The following PKHD1 variants were observed in gnomAD, a reference collection of about 807,000 sequenced individuals.
The protein encoded by PKHD1 is fibrocystin.
A neutral mutation model predicts 412.0 loss-of-function variants in PKHD1; 291 were observed. The observed-to-expected ratio is 0.71, with a 90% CI of 0.64 to 0.78. PKHD1 has a LOEUF of 0.78. Ranked by LOEUF, PKHD1 falls within the 30% of genes least tolerant of loss-of-function variation. The pLI, the probability that PKHD1 is intolerant of heterozygous loss-of-function variation, is 0.00. For synonymous variants in PKHD1, 1,777 were observed against 1,821.5 expected, an observed-to-expected ratio of 0.98 and a Z score of 0.62; for missense variants, 4,825 against 4,950.7, an observed-to-expected ratio of 0.97 and a Z score of 0.76.
intron 60 of PKHD1, among the ~76,000 whole-genome samples, chr6:51,734,720 A>T (rs1197664676): frequency 6.6e-6 from 1 of 152,170 alleles, no homozygotes; most frequent in Non-Finnish European, 1.5e-5. Flanking sequence ...GGAAAAAAAA[A>T]AACTCTACAA....
At chr6:52,085,386 G>T (rs903632623) in intron 1 of PKHD1, among the ~76,000 whole-genome samples, 1 of 152,168 alleles carries the variant, frequency 6.6e-6, no homozygotes, top group African/African-American at 2.4e-5. Context: ...CCCTCGTGCT[G>T]CTCTCCAGTT....
At chr6:51,698,997 G>A (rs1371498199) in intron 60 of PKHD1, among the ~76,000 whole-genome samples, 1 of 152,124 alleles carries the variant, frequency 6.6e-6, no homozygotes, top group African/African-American at 2.4e-5. Context: ...ATGGTCTCCA[G>A]TTATGAAACA....
intron 60 of PKHD1, among the ~76,000 whole-genome samples, chr6:51,701,247 C>T (rs1023567270): frequency 2.0e-5 from 3 of 152,078 alleles, no homozygotes; most frequent in African/African-American, 7.2e-5. Context: ...GTGAGTATCA[C>T]TGGTAATGCC....
At chr6:51,854,590 G>A (rs561511719) in intron 49 of PKHD1, among the ~76,000 whole-genome samples, 1 of 152,282 alleles carries the variant, frequency 6.6e-6, no homozygotes, top group South Asian at 2.1e-4. Flanking sequence ...CTCAGACCCA[G>A]GGAGATATGA....
At position 51,791,331 on chromosome 6, in the gene PKHD1, C is replaced by T. The variant is rs147222255; in HGVS notation, c.8345G>A (p.Gly2782Glu). The change falls in exon 53 of 67, where the codon GGG becomes GAG. Residue 2782 changes from glycine to glutamate, a missense_variant. Coordinates refer to ENST00000371117, the MANE Select transcript of PKHD1 (RefSeq NM_138694.4). ...GTCTAAGGTCCCCATCACATACAGC[C>T]CTTTGAAGAATGGAAGATCTGTATC... ...LVDTDLPFFK[G>E]LYVMGTLDFP... 13 of 1,613,138 alleles carry T rather than the reference C, an allele frequency of 8.1e-6. No homozygotes were observed. The highest frequency in any genetic ancestry group is 1.6e-4 in the Middle Eastern group (1 of 6,080).
rs982156750 is a variant in PKHD1, at chr6:51,736,822, A to G, written c.10156+7563T>C. On this transcript the variant is annotated intron_variant, in intron 60 of 66. Transcript: ENST00000371117. ...CATCTTGCTGTCATTCTCAGGATAA[A>G]TGGGAAAAAAGAGAAGCCTAGAAAC... is the stretch of plus-strand genomic sequence containing the variant. Among the ~76,000 whole-genome samples the G allele has an allele frequency of 1.3e-4, 20 of 152,094 alleles. 1 individual carries two copies.
chr6:51,648,103 A>G lies in PKHD1; in HGVS notation c.11326T>C (p.Ser3776Pro). 6.2e-7 allele frequency: 1 copy of G among 1,600,858 alleles called. No individual in the cohort carries two copies. The highest frequency in any genetic ancestry group is 1.1e-5 in the South Asian group (1 of 90,834). Residue 3776 changes from serine to proline, a missense_variant, in exon 63 of 67, where the codon TCC (serine) becomes CCC (proline). Coordinates refer to ENST00000371117, the MANE Select transcript of PKHD1 (RefSeq NM_138694.4). ...CATGGCTCTGAAGGAGGTCCCAGGG[A>G]CTCTACTCTTCGATTCTAGAAATGG... ...FLDEQNRRVE[S>P]LGPPSEPWTI...
chr6:51,781,677 A>T (rs1244870039), intron 53 of PKHD1, among the ~76,000 whole-genome samples: 2 of 152,086 alleles, frequency 1.3e-5, no homozygotes, highest in South Asian at 2.1e-4. Flanking sequence ...ACATGTTTTT[A>T]AAAAATGTTG....
At chr6:51,766,631 T>C (rs1271581204) in intron 55 of PKHD1, among the ~76,000 whole-genome samples, 1 of 152,062 alleles carries the variant, frequency 6.6e-6, no homozygotes, top group African/African-American at 2.4e-5. Context: ...TTATTTTCAT[T>C]CTTGACATAT....
intron 52 of PKHD1, among the ~76,000 whole-genome samples, chr6:51,819,648 C>T (rs1766048577): frequency 6.6e-6 from 1 of 152,168 alleles, no homozygotes; most frequent in Non-Finnish European, 1.5e-5. Context: ...CTATTTTGCT[C>T]ATCATTTTAT....
chr6:51,851,865 C>T (rs547745946), intron 49 of PKHD1, among the ~76,000 whole-genome samples: 3 of 152,148 alleles, frequency 2.0e-5, no homozygotes, highest in South Asian at 2.1e-4. Flanking sequence ...CTCCTGGATT[C>T]GTTGATTTTT....
intron 35 of PKHD1, among the ~76,000 whole-genome samples, chr6:51,997,726 T>G (rs1440240962): frequency 6.6e-6 from 1 of 152,194 alleles, no homozygotes; most frequent in Non-Finnish European, 1.5e-5. Flanking sequence ...CAGAGGATCT[T>G]CAGGGCATCA....
At chr6:52,066,390 A>G (rs915723170) in intron 11 of PKHD1, among the ~76,000 whole-genome samples, 1 of 152,198 alleles carries the variant, frequency 6.6e-6, no homozygotes, top group Non-Finnish European at 1.5e-5. Context: ...GACAATATTG[A>G]CAAGTCAGGG....
At position 51,874,731 on chromosome 6, in the gene PKHD1, A is replaced by C. The variant is rs1485794988; in HGVS notation, c.7351-4092T>G. Reference sequence around the variant, plus strand: ...ATCACGAGGTCAGGAGATTGAGACCATCCTGGCTAACATGTTGAAACTCCG... The same window carrying C: ...ATCACGAGGTCAGGAGATTGAGACCCTCCTGGCTAACATGTTGAAACTCCG... On this transcript the variant is annotated intron_variant, in intron 46 of 66. Coordinates refer to ENST00000371117, the MANE Select transcript of PKHD1 (RefSeq NM_138694.4). Among the ~76,000 whole-genome samples the C allele has an allele frequency of 6.0e-5, 9 of 149,882 alleles. No individual in the cohort carries two copies. In the Admixed American group the frequency reaches 6.0e-4, roughly 10 times the overall value.
At chr6:52,010,563 A>G (rs2128117689) in intron 34 of PKHD1, 104 bp from the exon 35 acceptor site, 1 of 979,886 alleles carries the variant, frequency 1.0e-6, no homozygotes, top group Non-Finnish European at 1.6e-6. Flanking sequence ...TGGCAACTAC[A>G]GGCCACCATT....
intron 37 of PKHD1, among the ~76,000 whole-genome samples, chr6:51,918,664 T>C (rs986807357): frequency 2.6e-5 from 4 of 152,214 alleles, no homozygotes; most frequent in African/African-American, 9.6e-5. Flanking sequence ...TACGTGTGCA[T>C]GTGTCTTTAT....
intron 53 of PKHD1, among the ~76,000 whole-genome samples, chr6:51,784,943 C>T (rs1007486921): frequency 5.3e-5 from 8 of 152,306 alleles, no homozygotes; most frequent in African/African-American, 1.7e-4. Context: ...CTGGACCTCT[C>T]ATTAATTACT....
At chr6:51,663,942 T>C (rs1562052033) in intron 60 of PKHD1, among the ~76,000 whole-genome samples, 2 of 152,166 alleles carry the variant, frequency 1.3e-5, no homozygotes, top group Non-Finnish European at 2.9e-5. Flanking sequence ...AATAAAGCAT[T>C]TTGGGAACAA....
intron 60 of PKHD1, among the ~76,000 whole-genome samples, chr6:51,704,239 C>G (rs1353098431): frequency 6.6e-6 from 1 of 151,962 alleles, no homozygotes; most frequent in Admixed American, 6.6e-5. Flanking sequence ...CCCAGAGGTA[C>G]AGAGGCCTCA....
Sources: allele counts gnomAD v4.1 joint callset (sites outside exome capture counted in the v4.1 genomes callset), GRCh38; gene constraint gnomAD v4.1.1; transcripts MANE v1.5; gene names NCBI Gene and HGNC (gene_info 2026-07-23, HGNC 2026-07-21).